Variants in GLO1 observed in about 807,000 individuals in gnomAD.
GLO1 encodes glyoxalase I.
Under a neutral mutation model 26.0 loss-of-function variants are expected in GLO1, and 28 were observed. The observed-to-expected ratio is 1.08, with a 90% CI of 0.80 to 1.48. GLO1 has a LOEUF of 1.48. Among genes scored for constraint, GLO1 ranks in the 40% most tolerant of loss-of-function variants. The pLI, the probability that GLO1 is intolerant of heterozygous loss-of-function variation, is 0.00. For synonymous variants in GLO1, 78 were observed against 77.6 expected, an observed-to-expected ratio of 1.00 and a Z score of -0.03; for missense variants, 225 against 224.8, an observed-to-expected ratio of 1.00 and a Z score of -0.01.
chr6:38,689,306 C>T (rs1761500576), intron 1 of GLO1, among the ~76,000 whole-genome samples: 1 of 152,182 alleles, frequency 6.6e-6, no homozygotes, highest in African/African-American at 2.4e-5. Context: ...CCAAGCTGCA[C>T]CCAACATTAT....
chr6:38,701,241 A>T (rs1761694251), intron 1 of GLO1, among the ~76,000 whole-genome samples: 1 of 152,236 alleles, frequency 6.6e-6, no homozygotes, highest in South Asian at 2.1e-4. Flanking sequence ...TAAAATGAAG[A>T]TCATAATTAT....
intron 1 of GLO1, among the ~76,000 whole-genome samples, chr6:38,695,936 G>A (rs575654410): frequency 6.6e-6 from 1 of 152,274 alleles, no homozygotes; most frequent in African/African-American, 2.4e-5. Context: ...GAAAACTTAG[G>A]AAACTCATTG....
intron 1 of GLO1, among the ~76,000 whole-genome samples, chr6:38,695,668 G>C (rs1781716): frequency 0.11 from 16,247 of 152,022 alleles, 1,039 homozygotes; most frequent in East Asian, 0.2. Context: ...ATTACATCTG[G>C]TTGGGTGAAA....
Position 38,684,472 on chromosome 6 carries a change from G to A in GLO1, c.210C>T (p.Leu70=). ...KCDFPIMKFS[L]YFLAYEDKND... ...TTTTATCCTCATAAGCCAAGAAGTAGAGTGAAAACTTCATAATGGGAAAAT... is the reference window on the plus strand; with the variant it reads ...TTTTATCCTCATAAGCCAAGAAGTAAAGTGAAAACTTCATAATGGGAAAAT... Residue 70 remains leucine (L), a synonymous_variant, in exon 3 of 6, where the codon CTC becomes CTT. Transcript: ENST00000373365. 1 of 1,559,718 alleles carries A rather than the reference G, an allele frequency of 6.4e-7. No homozygotes were observed. The highest frequency in any genetic ancestry group is 8.7e-7 in the Non-Finnish European group (1 of 1,152,588).
chr6:38,700,265 A>G (rs1377834142), intron 1 of GLO1, among the ~76,000 whole-genome samples: 1 of 152,244 alleles, frequency 6.6e-6, no homozygotes, highest in Admixed American at 6.5e-5. Flanking sequence ...ATGCCTTCCC[A>G]TGTACTCTGC....
intron 1 of GLO1, among the ~76,000 whole-genome samples, chr6:38,699,896 C>G (rs535702016): frequency 4.6e-5 from 7 of 152,210 alleles, no homozygotes; most frequent in African/African-American, 1.7e-4. Context: ...TTTGTTGGAC[C>G]CTTATCAGTA....
At chr6:38,692,432 T>C (rs1761544663) in intron 1 of GLO1, among the ~76,000 whole-genome samples, 1 of 152,194 alleles carries the variant, frequency 6.6e-6, no homozygotes, top group South Asian at 2.1e-4. Context: ...TTCTGGGAGT[T>C]TTCTGTAAAT....
At chr6:38,681,461 A>C (rs1281466457) in intron 5 of GLO1, among the ~76,000 whole-genome samples, 3 of 152,236 alleles carry the variant, frequency 2.0e-5, no homozygotes, top group African/African-American at 7.2e-5. Flanking sequence ...TTAATATTTC[A>C]ATTTTAATTT....
At position 38,687,895 on chromosome 6, in the gene GLO1, A is replaced by AT. The variant is rs890304075; in HGVS notation, c.85-922dup. Reference sequence around the variant, plus strand: ...GAACCTCACTGGTGCTTCCTAACAGATTTTTTTTTTTTTTCTGTTAAACCC... The same window carrying AT: ...GAACCTCACTGGTGCTTCCTAACAGATTTTTTTTTTTTTTTCTGTTAAACCC... On this transcript the variant is annotated intron_variant, in intron 1 of 5. Coordinates refer to ENST00000373365, the MANE Select transcript of GLO1 (RefSeq NM_006708.3). Among the ~76,000 whole-genome samples, 1,407 of 144,210 alleles carry AT rather than the reference A, an allele frequency of 9.8e-3. 8 individuals carry two copies. Among genetic ancestry groups the AT allele is most frequent in the South Asian group, 0.053 (240 of 4,550 alleles). The allele number at this position is 144,210 out of a possible 152,430, so 94.6% of individuals were successfully genotyped here. A position where few individuals can be genotyped will look rare whatever the true frequency, so the allele number is the denominator to read the frequency against.
At chr6:38,692,712 T>G (rs904502727) in intron 1 of GLO1, among the ~76,000 whole-genome samples, 1 of 151,772 alleles carries the variant, frequency 6.6e-6, no homozygotes, top group Non-Finnish European at 1.5e-5. Context: ...CCCATTCCTA[T>G]TTTTTTCTGA....
Position 38,684,416 on chromosome 6 carries a change from A to AT in GLO1, c.265dup (p.Ile89AsnfsTer12), listed in dbSNP as rs1217569977. The stretch of plus-strand genomic sequence containing the variant: ...AGCTTTTCTGGAGAGCGCCCAGGCT[A>AT]TTTTTTCATCTTTTTCTTTAGGGAT... On this transcript the variant is annotated frameshift_variant, in exon 3 of 6. Transcript: ENST00000373365. LOFTEE classifies it high-confidence loss of function. 6.4e-7 allele frequency: 1 copy of AT among 1,570,970 alleles called. No individual in the cohort carries two copies. The highest frequency in any genetic ancestry group is 8.6e-7 in the Non-Finnish European group (1 of 1,156,900).
chr6:38,677,185 A>G lies in GLO1; in HGVS notation c.*110T>C, dbSNP rs550808645. On this transcript the variant is annotated 3_prime_UTR_variant, in exon 6 of 6. Transcript: ENST00000373365. The stretch of plus-strand genomic sequence containing the variant: ...AGGAAGGGGAAATGGACTGAAGAAT[A>G]ATTTGAATCGGGACAGTGATCCATC... 2 of 724,474 alleles carry G rather than the reference A, an allele frequency of 2.8e-6. No homozygotes were observed. The highest frequency in any genetic ancestry group is 3.5e-5 in the African/African-American group (2 of 56,830). The allele number at this position is 724,474 out of a possible 1,614,324, so 44.9% of individuals were successfully genotyped here.
intron 1 of GLO1, among the ~76,000 whole-genome samples, chr6:38,687,647 A>T (rs1245509129): frequency 6.6e-6 from 1 of 152,240 alleles, no homozygotes; most frequent in Non-Finnish European, 1.5e-5. Context: ...CTTGACTGAG[A>T]AAAGGGTAGA....
At chr6:38,688,797 G>C (rs973133276) in intron 1 of GLO1, among the ~76,000 whole-genome samples, 1 of 152,204 alleles carries the variant, frequency 6.6e-6, no homozygotes, top group African/African-American at 2.4e-5. Context: ...CACTAACCTA[G>C]GTGCTGCTGT....
Position 38,686,960 on chromosome 6 carries a change from C to G in GLO1, c.99G>C (p.Gln33His). The G allele has an allele frequency of 1.2e-6, 2 of 1,603,014 alleles. No individual in the cohort carries two copies. Among genetic ancestry groups the G allele is most frequent in the Non-Finnish European group, 1.7e-6 (2 of 1,171,234 alleles). ...ADPSTKDFLL[Q>H]QTMLRVKDPK... ...GATCCTTCACTCGTAGCATGGTCTGCTGCAATAGAAAATCCTATGGAAAAA... is the reference window on the plus strand; with the variant it reads ...GATCCTTCACTCGTAGCATGGTCTGGTGCAATAGAAAATCCTATGGAAAAA... Residue 33 changes from glutamine to histidine, a missense_variant, in exon 2 of 6, where the codon CAG becomes CAC. Physicochemically the swap from Gln to His is conservative, Grantham distance 24 (BLOSUM62 0). Coordinates refer to ENST00000373365, the MANE Select transcript of GLO1 (RefSeq NM_006708.3).
chr6:38,698,657 C>CTTTTTT (rs34080103), intron 1 of GLO1, among the ~76,000 whole-genome samples: 8 of 110,000 alleles, frequency 7.3e-5, no homozygotes, highest in African/African-American at 1.4e-4. Flanking sequence ...AGAACCTGAC[C>CTTTTTT]TTTTTTTTTT....
chr6:38,692,326 T>C (rs955230739), intron 1 of GLO1, among the ~76,000 whole-genome samples: 2 of 152,218 alleles, frequency 1.3e-5, no homozygotes, highest in Non-Finnish European at 2.9e-5. Context: ...TTTTTTAATT[T>C]TTGGTGCCTG....
intron 4 of GLO1, among the ~76,000 whole-genome samples, chr6:38,682,596 G>A (rs1582774647): frequency 6.6e-6 from 1 of 152,190 alleles, no homozygotes; most frequent in Non-Finnish European, 1.5e-5. Context: ...GTAAATCATG[G>A]TGAGATGGTA....
At chr6:38,686,202 A>G (rs1761457978) in intron 2 of GLO1, among the ~76,000 whole-genome samples, 1 of 152,174 alleles carries the variant, frequency 6.6e-6, no homozygotes, top group Non-Finnish European at 1.5e-5. Context: ...AACTGGTCAA[A>G]TTTTCTAAAT....
Sources: allele counts gnomAD v4.1 joint callset (sites outside exome capture counted in the v4.1 genomes callset), GRCh38; gene constraint gnomAD v4.1.1; transcripts MANE v1.5; gene names NCBI Gene and HGNC (gene_info 2026-07-23, HGNC 2026-07-21).